Variants in ATP9B observed in about 807,000 individuals in gnomAD.
ATP9B encodes ATPase phospholipid transporting 9B.
A neutral mutation model predicts 146.1 loss-of-function variants in ATP9B; 110 were observed. The ratio of observed to expected loss-of-function variants is 0.75; its 90% CI spans 0.65 to 0.88. The LOEUF (loss-of-function observed/expected upper bound fraction) is 0.88. Ranked by LOEUF, ATP9B falls within the 40% of genes least tolerant of loss-of-function variation. The pLI is 0.00. For synonymous variants in ATP9B, 604 were observed against 569.7 expected, an observed-to-expected ratio of 1.06 and a Z score of -0.86; for missense variants, 1,499 against 1,496.4, an observed-to-expected ratio of 1.00 and a Z score of -0.03.
intron 1 of ATP9B, among the ~76,000 whole-genome samples, chr18:79,076,938 A>C (rs564292560): frequency 3.3e-5 from 5 of 152,240 alleles, no homozygotes; most frequent in African/African-American, 1.2e-4. Context: ...CCATCCATTA[A>C]GATTTTTAGT....
intron 10 of ATP9B, chr18:79,209,822 G>C (rs1480224600): frequency 3.2e-6 from 1 of 309,804 alleles, no homozygotes; most frequent in Admixed American, 6.5e-5. Flanking sequence ...CCTTGTTAAT[G>C]TGAACAGTTA....
intron 25 of ATP9B, among the ~76,000 whole-genome samples, chr18:79,349,150 G>A (rs9944912): frequency 0.45 from 68,875 of 151,992 alleles, 15,892 homozygotes; most frequent in East Asian, 0.7. Context: ...CTCCTCTGTG[G>A]TTATGACTAG....
At chr18:79,137,890 A>G (rs1294795551) in intron 5 of ATP9B, among the ~76,000 whole-genome samples, 2 of 152,172 alleles carry the variant, frequency 1.3e-5, no homozygotes, top group African/African-American at 2.4e-5. Context: ...CCAGCATGCC[A>G]TACACCCTTT....
rs564247571 is a variant in ATP9B, at chr18:79,185,064, AGCAGGTGACAGAGG to A, written c.874-8118_874-8105del. Among the ~76,000 whole-genome samples, 665 of 152,182 alleles carry A rather than the reference AGCAGGTGACAGAGG, an allele frequency of 4.4e-3. 4 individuals are homozygous for A. Among genetic ancestry groups the A allele is most frequent in the African/African-American group, 0.015 (636 of 41,538 alleles). On this transcript the variant is annotated intron_variant, in intron 8 of 29. Coordinates refer to ENST00000426216, the MANE Select transcript of ATP9B (RefSeq NM_198531.5). ...AACATACAATTCTGTACAAGCGATC[AGCAGGTGACAGAGG>A]TTAGCAGTGCAGGGATAGGCGGGTT...
chr18:79,164,463 C>T (rs971968588), intron 7 of ATP9B, among the ~76,000 whole-genome samples: 1 of 152,088 alleles, frequency 6.6e-6, no homozygotes, highest in African/African-American at 2.4e-5. Flanking sequence ...TGCCTGTAAT[C>T]CCAGCACTTT....
chr18:79,290,736 T>C (rs2096494971), intron 13 of ATP9B, among the ~76,000 whole-genome samples: 1 of 152,262 alleles, frequency 6.6e-6, no homozygotes, highest in Admixed American at 6.5e-5. Context: ...AGACTGGAGC[T>C]GTTCCTATTC....
intron 10 of ATP9B, among the ~76,000 whole-genome samples, chr18:79,212,482 C>T (rs947047476): frequency 2.6e-5 from 4 of 152,290 alleles, no homozygotes; most frequent in African/African-American, 9.6e-5. Context: ...AAAGCCTTTT[C>T]TGAGATTTGC....
chr18:79,365,797 C>T (rs2097023998), intron 26 of ATP9B, among the ~76,000 whole-genome samples: 1 of 151,864 alleles, frequency 6.6e-6, no homozygotes, highest in African/African-American at 2.4e-5. Context: ...AGGACAACTC[C>T]GTGGACGGGG....
chr18:79,087,602 G>A (rs912268250), intron 1 of ATP9B: 9 of 152,114 alleles, frequency 5.9e-5, no homozygotes, highest in Admixed American at 5.9e-4. Flanking sequence ...CTATTTCTTC[G>A]TTTAATATCA....
At chr18:79,172,590 G>C (rs982544749) in intron 7 of ATP9B, among the ~76,000 whole-genome samples, 2 of 149,910 alleles carry the variant, frequency 1.3e-5, no homozygotes, top group Non-Finnish European at 3.0e-5. Context: ...CCGACCTTGC[G>C]ATCCGCCTTG....
At position 79,069,546 on chromosome 18, in the gene ATP9B, T is replaced by C; in HGVS notation, c.119+17T>C. Reference sequence around the variant, plus strand: ...GCACAGCAGGTAACCGAGGCGGCACTGGCCCCGTTCCCCGCCGACGCTCCC... The same window carrying C: ...GCACAGCAGGTAACCGAGGCGGCACCGGCCCCGTTCCCCGCCGACGCTCCC... On this transcript the variant is annotated intron_variant, in intron 1 of 29. Transcript: ENST00000426216. 7.6e-7 allele frequency: 1 copy of C among 1,315,770 alleles called. No homozygotes were observed. Among genetic ancestry groups the C allele is most frequent in the Non-Finnish European group, 9.7e-7 (1 of 1,031,108 alleles). The allele number at this position is 1,315,770 out of a possible 1,614,324, so 81.5% of individuals were successfully genotyped here.
At chr18:79,105,711 C>T (rs1291690877) in intron 2 of ATP9B, among the ~76,000 whole-genome samples, 1 of 152,160 alleles carries the variant, frequency 6.6e-6, no homozygotes, top group African/African-American at 2.4e-5. Context: ...TCAAAAATCA[C>T]TTTGTCCTTA....
chr18:79,324,696 G>C (rs1286453497), intron 15 of ATP9B, among the ~76,000 whole-genome samples: 3 of 117,344 alleles, frequency 2.6e-5, no homozygotes, highest in East Asian at 4.3e-4. Context: ...AAGAGTAAAG[G>C]CTCTTTTCCC....
At chr18:79,124,786 C>T (rs546226572) in intron 4 of ATP9B, among the ~76,000 whole-genome samples, 55 of 152,224 alleles carry the variant, frequency 3.6e-4, no homozygotes, top group African/African-American at 1.2e-3. Context: ...GGTGCCACAC[C>T]GAGTACAGTC....
At chr18:79,079,061 T>C (rs1211172526) in intron 1 of ATP9B, among the ~76,000 whole-genome samples, 7 of 152,226 alleles carry the variant, frequency 4.6e-5, no homozygotes, top group African/African-American at 1.7e-4. Context: ...CAGTCTGTCA[T>C]TGATGGGCAT....
chr18:79,292,441 A>G (rs540125752), intron 13 of ATP9B, among the ~76,000 whole-genome samples: 2 of 152,336 alleles, frequency 1.3e-5, no homozygotes, highest in South Asian at 4.1e-4. Flanking sequence ...TAAGAAAACA[A>G]TTGTATTTAC....
intron 6 of ATP9B, among the ~76,000 whole-genome samples, chr18:79,149,387 G>A (rs2094645948): frequency 1.3e-5 from 2 of 151,910 alleles, no homozygotes; most frequent in Non-Finnish European, 2.9e-5. Flanking sequence ...GTGGAGAAAA[G>A]GTAGCCTTCT....
Position 79,126,392 on chromosome 18 carries a change from A to C in ATP9B, c.667+17A>C, listed in dbSNP as rs2094287228. 2 of 1,548,992 alleles carry C rather than the reference A, an allele frequency of 1.3e-6. No individual in the cohort carries two copies. The highest frequency in any genetic ancestry group is 1.8e-6 in the Non-Finnish European group (2 of 1,124,758). On this transcript the variant is annotated intron_variant, in intron 5 of 29. Transcript: ENST00000426216. Reference sequence around the variant, plus strand: ...CAGTAAGAGGTCAGCAAGATGCTTTAATCCTGCTTAGCGTTTGCTTACTGT... The same window carrying C: ...CAGTAAGAGGTCAGCAAGATGCTTTCATCCTGCTTAGCGTTTGCTTACTGT...
At chr18:79,179,971 T>C (rs894905986) in intron 8 of ATP9B, among the ~76,000 whole-genome samples, 4 of 152,202 alleles carry the variant, frequency 2.6e-5, no homozygotes, top group African/African-American at 9.6e-5. Flanking sequence ...TGTTACTGGG[T>C]TCATACACTT....
Sources: gnomAD v4.1 joint callset for allele counts (sites outside exome capture counted in the v4.1 genomes callset) on GRCh38, gnomAD v4.1.1 for gene constraint, MANE v1.5 for transcripts, NCBI Gene and HGNC (gene_info 2026-07-23, HGNC 2026-07-21) for gene names.